Variants in ARB2A observed in about 807,000 individuals in gnomAD.
The protein encoded by ARB2A is ARB2 cotranscriptional regulator A, also known as cotranscriptional regulator ARB2A.
the ARB2A span, among the ~76,000 whole-genome samples, chr5:93,768,463 C>CTATATA: frequency 1.9e-4 from 28 of 146,000 alleles, no homozygotes; most frequent in African/African-American, 6.0e-4. Context: ...CAAATATCCA[C>CTATATA]TATATATATA....
chr5:93,806,844 C>T, the ARB2A span, among the ~76,000 whole-genome samples: 1 of 151,896 alleles, frequency 6.6e-6, no homozygotes. Flanking sequence ...TTAACTTCTA[C>T]ACTTTAACAA....
the ARB2A span, among the ~76,000 whole-genome samples, chr5:94,008,858 A>G: frequency 6.6e-6 from 1 of 152,128 alleles, no homozygotes; most frequent in African/African-American, 2.4e-5. Flanking sequence ...ACTTCAATTA[A>G]CCAATTTAGC....
At chr5:93,908,693 A>G in the ARB2A span, among the ~76,000 whole-genome samples, 2 of 150,970 alleles carry the variant, frequency 1.3e-5, no homozygotes, top group African/African-American at 4.8e-5. Flanking sequence ...TACAATTTCT[A>G]CAAAGGTTAC....
chr5:93,985,618 T>C, the ARB2A span, among the ~76,000 whole-genome samples: 2 of 152,074 alleles, frequency 1.3e-5, no homozygotes, highest in African/African-American at 2.4e-5. Context: ...GGAGACGGGG[T>C]TTCGCCCTGT....
chr5:93,904,346 C>T, the ARB2A span, among the ~76,000 whole-genome samples: 4 of 151,730 alleles, frequency 2.6e-5, no homozygotes, highest in African/African-American at 9.7e-5. Context: ...ATAAGCCTCT[C>T]CTAGAAAAAA....
chr5:94,029,177 G>A, the ARB2A span, among the ~76,000 whole-genome samples: 1 of 151,968 alleles, frequency 6.6e-6, no homozygotes, highest in Non-Finnish European at 1.5e-5. Flanking sequence ...TTTTTAGTAG[G>A]GATGGGGTTT....
At chr5:93,916,709 C>T in the ARB2A span, among the ~76,000 whole-genome samples, 2 of 152,062 alleles carry the variant, frequency 1.3e-5, no homozygotes, top group African/African-American at 4.8e-5. Flanking sequence ...ATGTACTTTC[C>T]TGACCTCAGT....
chr5:93,946,503 T>C, the ARB2A span, among the ~76,000 whole-genome samples: 1 of 152,186 alleles, frequency 6.6e-6, no homozygotes, highest in Non-Finnish European at 1.5e-5. Flanking sequence ...AAAGCAATCA[T>C]ATTATCTACC....
chr5:94,105,464 A>G, the ARB2A span, among the ~76,000 whole-genome samples: 6 of 151,862 alleles, frequency 4.0e-5, no homozygotes, highest in Admixed American at 3.9e-4. Flanking sequence ...GAATTACAAA[A>G]TGTTGCTGAA....
chr5:93,865,303 G>A, the ARB2A span: 4 of 626,732 alleles, frequency 6.4e-6, no homozygotes, highest in South Asian at 7.1e-5. Context: ...GAACGGTCTC[G>A]ATCTCCTGAC....
At chr5:93,665,113 C>T in the ARB2A span, among the ~76,000 whole-genome samples, 62 of 152,278 alleles carry the variant, frequency 4.1e-4, no homozygotes, top group African/African-American at 1.3e-3. Flanking sequence ...AGGCATGAGC[C>T]GCTGCACCTG....
At chr5:94,035,399 A>G in the ARB2A span, among the ~76,000 whole-genome samples, 2 of 152,072 alleles carry the variant, frequency 1.3e-5, no homozygotes, top group Non-Finnish European at 2.9e-5. Context: ...TTATATTCAT[A>G]CCTTTCTCTA....
At chr5:93,985,981 C>T in the ARB2A span, among the ~76,000 whole-genome samples, 10 of 150,768 alleles carry the variant, frequency 6.6e-5, no homozygotes, top group African/African-American at 2.2e-4. Flanking sequence ...AAGTGAGGAG[C>T]GTCTCTGCCT....
chr5:93,799,163 T>C, the ARB2A span, among the ~76,000 whole-genome samples: 3 of 152,218 alleles, frequency 2.0e-5, no homozygotes, highest in East Asian at 1.9e-4. Context: ...AGAACACTTA[T>C]GGTCCTGAAA....
the ARB2A span, among the ~76,000 whole-genome samples, chr5:93,868,113 A>G: frequency 5.3e-5 from 8 of 152,290 alleles, no homozygotes; most frequent in East Asian, 1.5e-3. Flanking sequence ...TGAGCCCAGG[A>G]GTTTGAGGCC....
At chr5:93,718,356 G>A in the ARB2A span, among the ~76,000 whole-genome samples, 8 of 151,980 alleles carry the variant, frequency 5.3e-5, no homozygotes, top group Admixed American at 2.6e-4. Flanking sequence ...GGAGAATGGC[G>A]TGAACCCGGG....
At chr5:93,811,267 A>C in the ARB2A span, among the ~76,000 whole-genome samples, 1 of 152,124 alleles carries the variant, frequency 6.6e-6, no homozygotes, top group Non-Finnish European at 1.5e-5. Context: ...AGTGTTTTCA[A>C]TTTTCCTGCT....
the ARB2A span, among the ~76,000 whole-genome samples, chr5:93,981,138 G>A: frequency 6.7e-6 from 1 of 150,058 alleles, no homozygotes; most frequent in Non-Finnish European, 1.5e-5. Flanking sequence ...GCGCGATCTC[G>A]GCTCACTGTA....
At chr5:94,014,047 C>A in the ARB2A span, among the ~76,000 whole-genome samples, 1 of 152,108 alleles carries the variant, frequency 6.6e-6, no homozygotes, top group African/African-American at 2.4e-5. Flanking sequence ...CTGCCTTAAC[C>A]CATAAGAAGC....
Sources: gnomAD v4.1 joint callset for allele counts (sites outside exome capture counted in the v4.1 genomes callset) on GRCh38, gnomAD v4.1.1 for gene constraint, MANE v1.5 for transcripts, NCBI Gene and HGNC (gene_info 2026-07-23, HGNC 2026-07-21) for gene names.